SCN4A: variants seen among roughly 807,000 people sequenced by gnomAD.
The protein encoded by SCN4A is sodium voltage-gated channel alpha subunit 4, also known as sodium channel protein type 4 subunit alpha.
SCN4A carries 83 observed loss-of-function variants against 162.0 expected under a neutral mutation model. The ratio of observed to expected loss-of-function variants is 0.51; its 90% CI spans 0.43 to 0.61. The LOEUF (loss-of-function observed/expected upper bound fraction) is 0.61, where lower values mean the gene tolerates loss of function less well. Ranked by LOEUF, SCN4A falls within the 20% of genes least tolerant of loss-of-function variation. The pLI is 0.00. For missense variants in SCN4A, 2,196 were observed against 2,462.5 expected, an observed-to-expected ratio of 0.89 and a Z score of 2.29; for synonymous variants, 944 against 985.1, an observed-to-expected ratio of 0.96 and a Z score of 0.78.
chr17:63,946,370 C>T (rs1416599299), intron 18 of SCN4A, among the ~76,000 whole-genome samples: 4 of 152,016 alleles, frequency 2.6e-5, no homozygotes, highest in South Asian at 4.1e-4. Flanking sequence ...TGGGGGGGCT[C>T]GCCATGGCCT....
At chr17:63,962,310 C>T (rs1317182625) in intron 10 of SCN4A, among the ~76,000 whole-genome samples, 1 of 152,216 alleles carries the variant, frequency 6.6e-6, no homozygotes, top group Non-Finnish European at 1.5e-5. Context: ...GTAATACCGG[C>T]CCCTCCAAAG....
chr17:63,938,603 C>A lies in SCN4A; in HGVS notation c.*2168G>T, dbSNP rs1189936345. On this transcript the variant is annotated 3_prime_UTR_variant, in exon 24 of 24. Transcript: ENST00000435607. ...TGTAAGAACTGTACAAAGGAGCCCG[C>A]CTGCTGGCCTGGCGTGGGACCTGTT... The A allele has an allele frequency of 6.5e-6, 1 of 152,704 alleles. No individual in the cohort carries two copies. Among genetic ancestry groups the A allele is most frequent in the African/African-American group, 2.4e-5 (1 of 41,468 alleles). The allele number at this position is 152,704 out of a possible 1,614,324, so 9.5% of individuals were successfully genotyped here.
At position 63,949,382 on chromosome 17, in the gene SCN4A, G is replaced by A. The variant is rs1908832571; in HGVS notation, c.2989+11C>T. 1.9e-6 allele frequency: 3 copies of A among 1,563,872 alleles called. No homozygotes were observed. Among genetic ancestry groups the A allele is most frequent in the East Asian group, 2.4e-5 (1 of 42,146 alleles). Reference sequence around the variant, plus strand: ...GGGGAGACACCCAGATGAGGTGAGGGGTGCCCTCACCCTCAGTGAAGCACT... The same window carrying A: ...GGGGAGACACCCAGATGAGGTGAGGAGTGCCCTCACCCTCAGTGAAGCACT... On this transcript the variant is annotated intron_variant, in intron 15 of 23. Transcript: ENST00000435607.
Position 63,964,587 on chromosome 17 carries a change from C to A in SCN4A, c.1333G>T (p.Val445Leu), listed in dbSNP as rs121908552. The A allele has an allele frequency of 6.2e-7, 1 of 1,613,752 alleles. No homozygotes were observed. Residue 445 changes from valine (V) to leucine (L), a missense_variant, in exon 9 of 24, where the codon GTG becomes TTG. By Grantham distance (32) the Val-to-Leu change is conservative (BLOSUM62 1). Coordinates refer to ENST00000435607, the MANE Select transcript of SCN4A (RefSeq NM_000334.4). ...SFYLINLILA[V>L]VAMAYAEQNE... ...TGCTCGGCATATGCCATGGCCACCA[C>A]GGCCAGGATCAGATTGATGAGGTAG...
At chr17:63,943,167 G>A (rs560607576) in intron 22 of SCN4A, 71 bp from the exon 23 acceptor site, 128 of 1,518,258 alleles carry the variant, frequency 8.4e-5, no homozygotes, top group South Asian at 4.4e-4. Context: ...GGACAGGCAG[G>A]AGGCACAGGA....
intron 13 of SCN4A, among the ~76,000 whole-genome samples, chr17:63,953,176 T>C (rs1243204116): frequency 6.6e-6 from 1 of 152,116 alleles, no homozygotes; most frequent in Admixed American, 6.5e-5. Flanking sequence ...CTGGCTAACA[T>C]GGTGAAACCC....
At chr17:63,953,694 A>G (rs914486946) in intron 13 of SCN4A, among the ~76,000 whole-genome samples, 8 of 151,788 alleles carry the variant, frequency 5.3e-5, no homozygotes, top group African/African-American at 1.9e-4. Flanking sequence ...AGAAAAAAAA[A>G]AAAAGAAAAA....
chr17:63,940,978 C>A lies in SCN4A; in HGVS notation c.5304G>T (p.Lys1768Asn). ...HDGSGDDAPE[K>N]EGLLANTMSK... ...TCATGGTGTTGGCAAGCAGCCCCTC[C>A]TTCTCAGGGGCGTCATCCCCGCTGC... is the stretch of plus-strand genomic sequence containing the variant. Residue 1768 changes from lysine to asparagine, a missense_variant, in exon 24 of 24, where the codon AAG becomes AAT. By Grantham distance (94) the Lys-to-Asn change is moderately conservative. Coordinates refer to ENST00000435607, the MANE Select transcript of SCN4A (RefSeq NM_000334.4). The A allele has an allele frequency of 6.2e-7, 1 of 1,613,282 alleles. No individual in the cohort carries two copies. Among genetic ancestry groups the A allele is most frequent in the South Asian group, 1.1e-5 (1 of 91,068 alleles).
At chr17:63,959,730 A>C (rs1909184970) in intron 11 of SCN4A, among the ~76,000 whole-genome samples, 1 of 152,218 alleles carries the variant, frequency 6.6e-6, no homozygotes, top group Non-Finnish European at 1.5e-5. Context: ...CAACCCTGTC[A>C]TAATATTCAA....
chr17:63,959,494 AG>A lies in SCN4A; in HGVS notation c.1846-57del, dbSNP rs965025712. 2.6e-6 allele frequency: 4 copies of A among 1,546,054 alleles called. No homozygotes were observed. The African/African-American group carries it at 5.4e-5, about 21-fold the overall frequency. On this transcript the variant is annotated intron_variant, in intron 11 of 23. Coordinates refer to ENST00000435607, the MANE Select transcript of SCN4A (RefSeq NM_000334.4). ...GCCTCGGGGAGCCCAGGGCCCTGGA[AG>A]TCTCCCACCCAACTCCCACCTCCTG...
chr17:63,963,436 T>A (rs9904789), intron 10 of SCN4A, among the ~76,000 whole-genome samples: 1 of 152,210 alleles, frequency 6.6e-6, no homozygotes, highest in Admixed American at 6.5e-5. Flanking sequence ...AGGACTATAT[T>A]TGTGACAGCC....
At position 63,968,288 on chromosome 17, in the gene SCN4A, A is replaced by G. The variant is rs761259815; in HGVS notation, c.771T>C (p.Thr257=). 6.2e-7 allele frequency: 1 copy of G among 1,612,610 alleles called. No homozygotes were observed. The highest frequency in any genetic ancestry group is 2.2e-5 in the East Asian group (1 of 44,848). The part of the protein sequence containing the change: ...VKKLSDVMIL[T]VFCLSVFALV... ...GCGCAAAGACGCTCAGGCAGAAGAC[A>G]GTGAGGATCATCACATCCGACAGCT... Residue 257 remains threonine (T), a synonymous_variant, in exon 6 of 24, where the codon ACT becomes ACC. Coordinates refer to ENST00000435607, the MANE Select transcript of SCN4A (RefSeq NM_000334.4).
Position 63,971,853 on chromosome 17 carries a change from G to GCCA in SCN4A, c.483-4_483-3insTGG. ...TGTAGATCCCTGTGAAGGTGTACCT[G>GCCA]GGGGGGAGAGGGCCGGCCGGGACAG... On this transcript the variant is annotated splice_region_variant and splice_polypyrimidine_tract_variant and intron_variant, in intron 3 of 23. Transcript: ENST00000435607. The GCCA allele has an allele frequency of 6.6e-7, 1 of 1,516,218 alleles. No individual in the cohort carries two copies. 93.9% of individuals were successfully genotyped at this position (1,516,218 alleles called of 1,614,324 possible).
At chr17:63,957,058 A>T in intron 13 of SCN4A, 104 bp downstream of exon 13, 2 of 788,362 alleles carry the variant, frequency 2.5e-6, no homozygotes, top group Non-Finnish European at 4.0e-6. Flanking sequence ...TAAAATTGCC[A>T]TTTTGGAGAG....
rs774293481 is a variant in SCN4A, at chr17:63,972,455, T to C, written c.289A>G (p.Asn97Asp). The C allele has an allele frequency of 6.8e-6, 11 of 1,613,674 alleles. No homozygotes were observed. Among genetic ancestry groups the C allele is most frequent in the African/African-American group, 1.3e-5 (1 of 74,878 alleles). Residue 97 changes from asparagine (N) to aspartate (D), a missense_variant, in exon 2 of 24, where the codon AAC (asparagine) becomes GAC (aspartate). Physicochemically the swap from Asn to Asp is conservative, Grantham distance 23. Coordinates refer to ENST00000435607, the MANE Select transcript of SCN4A (RefSeq NM_000334.4). The surrounding 1 kb of genome is among the most constrained non-coding windows in gnomAD (Gnocchi z 4.3). Reference sequence around the variant, plus strand: ...AAGCGGAAGATGGCCTTGCCCTTGTTGAGTACGATGAAGGTCTAAGGTGGG... The same window carrying C: ...AAGCGGAAGATGGCCTTGCCCTTGTCGAGTACGATGAAGGTCTAAGGTGGG... ...YSNKKTFIVL[N>D]KGKAIFRFSA...
Position 63,972,377 on chromosome 17 carries a change from C to G in SCN4A, c.367G>C (p.Gly123Arg). 2 of 1,613,926 alleles carry G rather than the reference C, an allele frequency of 1.2e-6. No homozygotes were observed. The highest frequency in any genetic ancestry group is 1.7e-6 in the Non-Finnish European group (2 of 1,179,866). ...LLSPFSVVRR[G>R]AIKVLIHALF... ...GCATGGATGAGCACCTTGATGGCCC[C>G]GCGCCTGACTACGCTGAAGGGGCTC... is the stretch of plus-strand genomic sequence containing the variant. Residue 123 changes from glycine to arginine, a missense_variant, in exon 2 of 24, where the codon GGG becomes CGG. Physicochemically the swap from Gly to Arg is moderately radical, Grantham distance 125. Transcript: ENST00000435607. This position sits in a 1 kb window ranked among gnomAD's most constrained non-coding sequence, Gnocchi z 4.3.
rs540328974 is a variant in SCN4A at position 63,951,856 on chromosome 17, G to C, written c.2421C>G (p.Ala807=). Reference sequence around the variant, plus strand: ...CCTCATCCGAGGCTGCCAGACTGTCGGCGCTGAAGGAGCTCAGCAGCAGAG... The same window carrying C: ...CCTCATCCGAGGCTGCCAGACTGTCCGCGCTGAAGGAGCTCAGCAGCAGAG... ...FLALLLSSFS[A]DSLAASDEDG... is the part of the protein sequence containing the mutation. Residue 807 remains alanine (A), a synonymous_variant, in exon 14 of 24, where the codon GCC becomes GCG. Coordinates refer to ENST00000435607, the MANE Select transcript of SCN4A (RefSeq NM_000334.4). This position sits in a 1 kb window ranked among gnomAD's most constrained non-coding sequence, Gnocchi z 4.5. 1.9e-6 allele frequency: 3 copies of C among 1,558,070 alleles called. No homozygotes were observed. Among genetic ancestry groups the C allele is most frequent in the Non-Finnish European group, 2.6e-6 (3 of 1,155,136 alleles).
chr17:63,971,201 G>A lies in SCN4A; in HGVS notation c.664C>T (p.Arg222Trp), dbSNP rs527236148. Residue 222 changes from arginine to tryptophan, a missense_variant, in exon 5 of 24, where the codon CGG (arginine) becomes TGG (tryptophan). Physicochemically the swap from Arg to Trp is moderately radical, Grantham distance 101. Coordinates refer to ENST00000435607, the MANE Select transcript of SCN4A (RefSeq NM_000334.4). Reference protein sequence around the residue: ...LGNISALRTFRVLRALKTITV... With the variant: ...LGNISALRTFWVLRALKTITV... The stretch of plus-strand genomic sequence containing the variant: ...ATGGTTTTGAGGGCCCGCAGCACCC[G>A]GAAGGTCCTCAGGGCTGAGATGTTG... 5 of 1,567,078 alleles carry A rather than the reference G, an allele frequency of 3.2e-6. No individual in the cohort carries two copies. The highest frequency in any genetic ancestry group is 1.9e-5 in the Admixed American group (1 of 53,342).
In SCN4A at chr17:63,941,979, C is replaced by G. The variant is rs776355318; in HGVS notation, c.4303G>C (p.Asp1435His). The change falls in exon 24 of 24, where the codon GAC (aspartate) becomes CAC (histidine). Residue 1435 changes from aspartate to histidine, a missense_variant. Physicochemically the swap from Asp to His is moderately conservative, Grantham distance 81. Transcript: ENST00000435607. The surrounding 1 kb of genome is among the most constrained non-coding windows in gnomAD (Gnocchi z 6.2). ...ILSIVGLALS[D>H]LIQKYFVSPT... is the part of the protein sequence containing the mutation. The stretch of plus-strand genomic sequence containing the variant: ...GACACGAAGTACTTCTGGATCAGGT[C>G]AGAGAGGGCAAGGCCTGCGGGGAGA... The G allele has an allele frequency of 6.3e-5, 100 of 1,576,258 alleles. No individual in the cohort carries two copies. Among genetic ancestry groups the G allele is most frequent in the Non-Finnish European group, 8.5e-5 (98 of 1,158,670 alleles).
Sources: allele counts gnomAD v4.1 joint callset (sites outside exome capture counted in the v4.1 genomes callset), GRCh38; gene constraint gnomAD v4.1.1; non-coding constraint Gnocchi (gnomAD v3.1); transcripts MANE v1.5; gene names NCBI Gene and HGNC (gene_info 2026-07-23, HGNC 2026-07-21).